Variants in ZFHX3 observed in about 807,000 individuals in gnomAD.
The protein encoded by ZFHX3 is zinc finger homeobox protein 3.
A neutral mutation model predicts 279.1 loss-of-function variants in ZFHX3; 42 were observed. The observed-to-expected ratio is 0.15, with a 90% CI of 0.12 to 0.19. The LOEUF is 0.19. ZFHX3 is among the 10% of genes least tolerant of loss of function. ZFHX3 has a pLI of 1.00. For synonymous variants in ZFHX3, 2,293 were observed against 1,957.8 expected (o/e 1.17, Z -4.52); for missense variants, 4,981 against 4,754.0 (o/e 1.05, Z -1.40).
chr16:72,914,985 C>T (rs1266527120), intron 3 of ZFHX3, among the ~76,000 whole-genome samples: 2 of 152,016 alleles, frequency 1.3e-5, no homozygotes, highest in Non-Finnish European at 2.9e-5. Context: ...AGTGAGACTC[C>T]ATCTAAAAGC....
intron 2 of ZFHX3, among the ~76,000 whole-genome samples, chr16:73,601,988 C>G (rs2052123287): frequency 6.6e-6 from 1 of 151,948 alleles, no homozygotes; most frequent in South Asian, 2.1e-4. Context: ...AAAATGAGGC[C>G]AGGTGCGGTG....
chr16:73,496,428 G>A (rs2019143047), intron 2 of ZFHX3, among the ~76,000 whole-genome samples: 1 of 152,228 alleles, frequency 6.6e-6, no homozygotes, highest in Non-Finnish European at 1.5e-5. Context: ...CTACTCTGGA[G>A]GCTGGGGCAG....
rs933070362 is a variant in ZFHX3, at chr16:73,425,975, C to T, written c.-1291+30028G>A. Among the ~76,000 whole-genome samples, 7 of 152,212 alleles carry T rather than the reference C, an allele frequency of 4.6e-5. 1 individual carries two copies. Among genetic ancestry groups the T allele is most frequent in the Admixed American group, 6.5e-5 (1 of 15,284 alleles). Reference sequence around the variant, plus strand: ...AATGCTTCTGCTTCTCCTCTGTCAACGGTGATCCTCTTTTTTTCACTTTTT... The same window carrying T: ...AATGCTTCTGCTTCTCCTCTGTCAATGGTGATCCTCTTTTTTTCACTTTTT... On this transcript the variant is annotated intron_variant, in intron 3 of 17. Coordinates refer to the ZFHX3 transcript ENST00000641206.
rs190272774 is a variant in ZFHX3 at position 73,445,752 on chromosome 16, C to T, written c.-1291+10251G>A. Among the ~76,000 whole-genome samples the T allele has an allele frequency of 3.5e-3, 538 of 152,244 alleles. 1 individual carries two copies. The highest frequency in any genetic ancestry group is 6.8e-3 in the Middle Eastern group (2 of 294). On this transcript the variant is annotated intron_variant, in intron 3 of 17. Coordinates refer to the ZFHX3 transcript ENST00000641206. ...GAGGCTGCTGCACTGCCTGTGCCTG[C>T]GGTAGGCAGGAAGTAAGAGGGAATT...
At chr16:73,689,921 G>C (rs1018517123) in intron 1 of ZFHX3, among the ~76,000 whole-genome samples, 15 of 151,676 alleles carry the variant, frequency 9.9e-5, no homozygotes, top group Admixed American at 9.8e-4. Context: ...CCAGGTTCAA[G>C]CAACTCTCTT....
intron 3 of ZFHX3, among the ~76,000 whole-genome samples, chr16:72,907,909 C>T (rs1359369374): frequency 2.0e-5 from 3 of 152,028 alleles, no homozygotes; most frequent in Non-Finnish European, 4.4e-5. Context: ...GTCTCAAACT[C>T]CTGGCCTCAA....
intron 5 of ZFHX3, among the ~76,000 whole-genome samples, chr16:73,195,447 C>G (rs1358940218): frequency 8.9e-6 from 1 of 112,102 alleles, no homozygotes; most frequent in South Asian, 2.9e-4. Context: ...GAGATGGAGT[C>G]TTGCTCTGTC....
At chr16:72,858,766 G>A (rs2037813799) in intron 4 of ZFHX3, among the ~76,000 whole-genome samples, 1 of 152,258 alleles carries the variant, frequency 6.6e-6, no homozygotes, top group Non-Finnish European at 1.5e-5. Context: ...GGACCTGGCT[G>A]CCCCATTTAC....
intron 4 of ZFHX3, among the ~76,000 whole-genome samples, chr16:73,282,581 C>T (rs2014484731): frequency 6.6e-6 from 1 of 152,098 alleles, no homozygotes; most frequent in Admixed American, 6.6e-5. Flanking sequence ...CTTTTGTTTT[C>T]TGCACTCACT....
At chr16:73,591,377 C>T (rs1434488000) in intron 2 of ZFHX3, among the ~76,000 whole-genome samples, 1 of 144,698 alleles carries the variant, frequency 6.9e-6, no homozygotes, top group African/African-American at 2.5e-5. Flanking sequence ...AACAAACAAA[C>T]AAACAAACAA....
At chr16:73,626,306 C>A (rs1456251301) in intron 2 of ZFHX3, among the ~76,000 whole-genome samples, 1 of 152,068 alleles carries the variant, frequency 6.6e-6, no homozygotes, top group South Asian at 2.1e-4. Context: ...GAAAGTGAAC[C>A]AAAGCAAAGC....
At chr16:73,349,691 CCT>C (rs2016195822) in intron 3 of ZFHX3, among the ~76,000 whole-genome samples, 2 of 29,400 alleles carry the variant, frequency 6.8e-5, no homozygotes, top group Non-Finnish European at 1.4e-4. Context: ...TCTCCCTCTC[CCT>C]TCCTTCCCTC....
At chr16:73,264,317 G>A (rs1361252002) in intron 4 of ZFHX3, among the ~76,000 whole-genome samples, 1 of 151,916 alleles carries the variant, frequency 6.6e-6, no homozygotes, top group Non-Finnish European at 1.5e-5. Flanking sequence ...TTCATTTCCA[G>A]AAATAAATGA....
chr16:73,806,636 C>T (rs910329858), intron 1 of ZFHX3, among the ~76,000 whole-genome samples: 2 of 152,158 alleles, frequency 1.3e-5, no homozygotes, highest in African/African-American at 2.4e-5. Context: ...CCCCAATGTG[C>T]CATCCCATGC....
At chr16:72,906,785 G>A (rs866155484) in intron 3 of ZFHX3, among the ~76,000 whole-genome samples, 2 of 152,092 alleles carry the variant, frequency 1.3e-5, no homozygotes, top group Admixed American at 6.6e-5. Flanking sequence ...GCAACAGAGC[G>A]AGACTCTGTC....
rs1387289106 is a variant in ZFHX3 at position 72,957,548 on chromosome 16, C to T, written c.2598G>A (p.Leu866=). Residue 866 remains leucine, a synonymous_variant, in exon 2 of 10, where the codon CTG becomes CTA. Transcript: ENST00000268489. ...GGTTGGGCAGGTTCATGTTCTGGGC[C>T]AGGTAGTATTGGTAGAGCTCGGCCT... ...PAEAELYQYY[L]AQNMNLPNLK... 6.2e-7 allele frequency: 1 copy of T among 1,614,156 alleles called. No individual in the cohort carries two copies. Among genetic ancestry groups the T allele is most frequent in the Non-Finnish European group, 8.5e-7 (1 of 1,180,042 alleles).
At chr16:73,194,510 C>G (rs893555548) in intron 5 of ZFHX3, among the ~76,000 whole-genome samples, 5 of 152,148 alleles carry the variant, frequency 3.3e-5, no homozygotes, top group Admixed American at 6.5e-5. Flanking sequence ...TTATTGCCTT[C>G]TTACTTGCTA....
chr16:73,553,956 A>C (rs2020238923), intron 2 of ZFHX3, among the ~76,000 whole-genome samples: 1 of 152,250 alleles, frequency 6.6e-6, no homozygotes, highest in Admixed American at 6.5e-5. Context: ...AAAGTGATAA[A>C]TGGCGGCTGC....
At chr16:73,680,399 C>T (rs189768254) in intron 1 of ZFHX3, among the ~76,000 whole-genome samples, 26 of 152,276 alleles carry the variant, frequency 1.7e-4, no homozygotes, top group African/African-American at 5.8e-4. Context: ...ATGGAGGTCA[C>T]GGCTCGAATG....
Sources: gnomAD v4.1 joint callset for allele counts (sites outside exome capture counted in the v4.1 genomes callset) on GRCh38, gnomAD v4.1.1 for gene constraint, MANE v1.5 for transcripts, NCBI Gene and HGNC (gene_info 2026-07-23, HGNC 2026-07-21) for gene names.